The following PCDHA7 variants were observed in gnomAD, a reference collection of about 807,000 sequenced individuals.
PCDHA7 encodes the protein protocadherin alpha-7.
A neutral mutation model predicts 57.2 loss-of-function variants in PCDHA7; 37 were observed. That is an observed-to-expected ratio of 0.65 (90% CI 0.50 to 0.85). The LOEUF (loss-of-function observed/expected upper bound fraction) is 0.85. Among genes scored for constraint, PCDHA7 ranks in the 40% least tolerant of loss-of-function variants. PCDHA7 has a pLI of 0.00. For missense variants in PCDHA7, 1,188 were observed against 1,241.8 expected (o/e 0.96, Z 0.65); for synonymous variants, 553 against 558.8 (o/e 0.99, Z 0.15).
intron 1 of PCDHA7, chr5:140,930,511 C>G (rs2086907383): frequency 6.6e-6 from 1 of 152,616 alleles, no homozygotes; most frequent in African/African-American, 2.4e-5. Context: ...GCATGAGCCA[C>G]TGCAGCTGGC....
At chr5:140,860,689 G>A (rs1478164991) in intron 1 of PCDHA7, 3 of 152,174 alleles carry the variant, frequency 2.0e-5, no homozygotes, top group African/African-American at 7.2e-5. Flanking sequence ...TGTTTTGAGC[G>A]ACAGGATATT....
chr5:140,926,958 C>G (rs782614627), intron 1 of PCDHA7: 3 of 1,603,116 alleles, frequency 1.9e-6, no homozygotes, highest in Admixed American at 1.7e-5. Context: ...CGGGACAGCT[C>G]GAGTACTCAG....
intron 1 of PCDHA7, among the ~76,000 whole-genome samples, chr5:140,922,430 A>C (rs574413053): frequency 6.6e-6 from 1 of 152,364 alleles, no homozygotes; most frequent in East Asian, 1.9e-4. Flanking sequence ...GGCTGAGGGC[A>C]GAACTCTCTC....
intron 3 of PCDHA7, among the ~76,000 whole-genome samples, chr5:140,997,328 G>A (rs76646758): frequency 0.013 from 1,948 of 152,070 alleles, 47 homozygotes; most frequent in African/African-American, 0.045. Flanking sequence ...CAGTTTTTTC[G>A]TTGTACAAAT....
At chr5:140,870,561 C>T (rs544569992) in intron 1 of PCDHA7, 6 of 1,614,010 alleles carry the variant, frequency 3.7e-6, no homozygotes, top group African/African-American at 1.3e-5. Flanking sequence ...CGCAGGAGAA[C>T]GCGCTGGTGT....
chr5:140,906,786 A>G (rs1471436514), intron 1 of PCDHA7, among the ~76,000 whole-genome samples: 1 of 152,198 alleles, frequency 6.6e-6, no homozygotes, highest in Non-Finnish European at 1.5e-5. Flanking sequence ...GATCTTGTGT[A>G]TTCCATGCAT....
chr5:140,995,543 G>A (rs1243799532), intron 3 of PCDHA7, among the ~76,000 whole-genome samples: 1 of 152,144 alleles, frequency 6.6e-6, no homozygotes, highest in Non-Finnish European at 1.5e-5. Context: ...AATAAGGGGC[G>A]ATCACTGTAC....
At chr5:140,843,318 T>C (rs2150190993) in intron 1 of PCDHA7, 3 of 1,596,010 alleles carry the variant, frequency 1.9e-6, no homozygotes, top group East Asian at 2.2e-5. Flanking sequence ...GCCACGGTTC[T>C]GGTGTCGCTG....
chr5:140,882,265 T>C, intron 1 of PCDHA7: 1 of 1,609,948 alleles, frequency 6.2e-7, no homozygotes, highest in Non-Finnish European at 8.5e-7. Flanking sequence ...TTTTGGAGTG[T>C]ACCATGCTGT....
chr5:140,877,661 G>C, intron 1 of PCDHA7: 1 of 1,613,572 alleles, frequency 6.2e-7, no homozygotes. Flanking sequence ...CCCACCGTGA[G>C]CCGGTGCGCG....
At chr5:141,007,749 T>C (rs2098343750) in intron 3 of PCDHA7, among the ~76,000 whole-genome samples, 2 of 152,334 alleles carry the variant, frequency 1.3e-5, no homozygotes, top group South Asian at 4.1e-4. Flanking sequence ...AAGATAACTT[T>C]GGACTCTTAT....
chr5:140,869,249 C>T (rs1554162740), intron 1 of PCDHA7: 2 of 1,613,496 alleles, frequency 1.2e-6, no homozygotes, highest in Admixed American at 3.3e-5. Flanking sequence ...GGCCGCATCG[C>T]GCAGGACCTG....
rs1430137096 is a variant in PCDHA7, at chr5:140,871,495, G to A, written c.2355+34757G>A. On this transcript the variant is annotated intron_variant, in intron 1 of 3. Transcript: ENST00000525929. ...GCCAGGGTCAAATCACCCCGGACAG[G>A]TGAGTTTTCTACAGATTCCACCTAT... 5 of 1,588,092 alleles carry A rather than the reference G, an allele frequency of 3.1e-6. No homozygotes were observed. The African/African-American group carries it at 6.7e-5, about 21-fold the overall frequency.
chr5:140,886,972 A>G (rs2061245917), intron 1 of PCDHA7, among the ~76,000 whole-genome samples: 1 of 152,122 alleles, frequency 6.6e-6, no homozygotes, highest in South Asian at 2.1e-4. Context: ...GAAATTTATT[A>G]TTTTGTAAAT....
chr5:140,928,458 T>C lies in PCDHA7; in HGVS notation c.2356-50491T>C, dbSNP rs1030560254. On this transcript the variant is annotated intron_variant, in intron 1 of 3. Coordinates refer to ENST00000525929, the MANE Select transcript of PCDHA7 (RefSeq NM_018910.3). Reference sequence around the variant, plus strand: ...ACTTTGAGCAGCTCAGGGGGTTTCATTTCCAAGTAGAAGGCCGGGATGGTG... The same window carrying C: ...ACTTTGAGCAGCTCAGGGGGTTTCACTTCCAAGTAGAAGGCCGGGATGGTG... 3.1e-6 allele frequency: 5 copies of C among 1,614,048 alleles called. No homozygotes were observed. In the African/African-American group the frequency reaches 5.3e-5, roughly 17 times the overall value.
At chr5:140,963,346 A>G (rs2095758163) in intron 1 of PCDHA7, among the ~76,000 whole-genome samples, 1 of 152,236 alleles carries the variant, frequency 6.6e-6, no homozygotes, top group Non-Finnish European at 1.5e-5. Flanking sequence ...TTGTAAATTT[A>G]GTTCTTTTCA....
chr5:140,930,423 A>G (rs1366004853), intron 1 of PCDHA7: 3 of 151,862 alleles, frequency 2.0e-5, no homozygotes, highest in African/African-American at 7.3e-5. Flanking sequence ...GGGTCTCACT[A>G]TGTTGCCCAG....
chr5:140,875,484 C>T (rs1442383636), intron 1 of PCDHA7: 2 of 1,611,246 alleles, frequency 1.2e-6, no homozygotes, highest in Non-Finnish European at 1.7e-6. Flanking sequence ...TGGTGATTAT[C>T]GGACCAAGAG....
intron 1 of PCDHA7, among the ~76,000 whole-genome samples, chr5:140,913,101 T>C (rs1352707377): frequency 5.9e-5 from 9 of 152,200 alleles, no homozygotes; most frequent in Non-Finnish European, 1.0e-4. Flanking sequence ...ACTGGCCTCA[T>C]AGAATCAGTT....
Sources: gnomAD v4.1 joint callset for allele counts (sites outside exome capture counted in the v4.1 genomes callset) on GRCh38, gnomAD v4.1.1 for gene constraint, MANE v1.5 for transcripts, NCBI Gene and HGNC (gene_info 2026-07-23, HGNC 2026-07-21) for gene names.